CYREN: variants seen among roughly 807,000 people sequenced by gnomAD.
CYREN encodes the protein cell cycle regulator of NHEJ.
In CYREN, 7 loss-of-function variants were observed where a neutral mutation model predicts 9.7. The observed-to-expected ratio is 0.72, with a 90% CI of 0.41 to 1.36. The LOEUF (loss-of-function observed/expected upper bound fraction) is 1.36. Among genes scored for constraint, CYREN ranks in the 40% most tolerant of loss-of-function variants. The pLI is 0.01. For synonymous variants in CYREN, 76 were observed against 77.9 expected (o/e 0.98, Z 0.13); for missense variants, 215 against 198.1 (o/e 1.09, Z -0.51).
intron 2 of CYREN, among the ~76,000 whole-genome samples, chr7:135,105,631 T>C (rs561593043): frequency 3.3e-5 from 5 of 152,386 alleles, no homozygotes; most frequent in African/African-American, 1.2e-4. Flanking sequence ...TTGGTTACTA[T>C]AGCCCTATAA....
intron 3 of CYREN, chr7:135,167,097 A>G: frequency 2.0e-6 from 2 of 985,360 alleles, no homozygotes; most frequent in Non-Finnish European, 2.4e-6. Flanking sequence ...GAGAGAAGCA[A>G]GCAAAGGCAT....
intron 2 of CYREN, among the ~76,000 whole-genome samples, chr7:135,143,059 A>G (rs1484907655): frequency 1.3e-5 from 2 of 152,182 alleles, no homozygotes; most frequent in African/African-American, 4.8e-5. Flanking sequence ...TTTAAGACTT[A>G]CTATAGACTG....
At chr7:135,127,299 A>G (rs1828016454) in intron 2 of CYREN, among the ~76,000 whole-genome samples, 2 of 151,614 alleles carry the variant, frequency 1.3e-5, no homozygotes, top group Admixed American at 6.6e-5. Flanking sequence ...GCTCACGCCT[A>G]TAATCCCAGC....
Position 135,167,735 on chromosome 7 carries a change from A to C in CYREN, c.210T>G (p.Ile70Met). The change falls in exon 3 of 4, where the codon ATT becomes ATG. Residue 70 changes from isoleucine to methionine, a missense_variant. Ile to Met is a conservative substitution (Grantham distance 10). Coordinates refer to ENST00000393114, the MANE Select transcript of CYREN (RefSeq NM_024033.4). ...TAAGAGGCTTGTCTGACTTTACCTC[A>C]ATCAGGATTCCCAGAGCAACATCAA... is the stretch of plus-strand genomic sequence containing the variant. The part of the protein sequence containing the change: ...EIVDVALGIL[I>M]ESRKQEKACE... 1 of 1,614,112 alleles carries C rather than the reference A, an allele frequency of 6.2e-7. No homozygotes were observed. The highest frequency in any genetic ancestry group is 8.5e-7 in the Non-Finnish European group (1 of 1,180,000).
chr7:135,112,181 C>T (rs1006339160), intron 2 of CYREN, among the ~76,000 whole-genome samples: 2 of 152,170 alleles, frequency 1.3e-5, no homozygotes, highest in Non-Finnish European at 2.9e-5. Context: ...CCTCATTTTG[C>T]CTCCCTTGAA....
At chr7:135,128,484 C>T (rs1435469247) in intron 2 of CYREN, 1 of 753,180 alleles carries the variant, frequency 1.3e-6, no homozygotes, top group Non-Finnish European at 2.5e-6. Context: ...AATTGCTGGC[C>T]CCAGTGAGTA....
intron 2 of CYREN, chr7:135,135,458 G>T (rs1829305229): frequency 2.5e-6 from 1 of 393,650 alleles, no homozygotes; most frequent in South Asian, 1.2e-4. Flanking sequence ...GAAATCCAGA[G>T]AAAATATGGA....
chr7:135,171,953 C>T (rs1486037104), upstream of CYREN, among the ~76,000 whole-genome samples: 1 of 152,262 alleles, frequency 6.6e-6, no homozygotes, highest in Non-Finnish European at 1.5e-5. Context: ...CACTTGAAGT[C>T]CAGACATCTG....
chr7:135,115,994 A>G (rs1455243951), intron 2 of CYREN: 2 of 156,760 alleles, frequency 1.3e-5, no homozygotes, highest in African/African-American at 4.8e-5. Context: ...CTGAGATGAA[A>G]GCAGAAAGAG....
At chr7:135,156,135 T>G (rs1829787073) in intron 2 of CYREN, among the ~76,000 whole-genome samples, 1 of 152,174 alleles carries the variant, frequency 6.6e-6, no homozygotes, top group Non-Finnish European at 1.5e-5. Context: ...AGATTTGGGA[T>G]TTCCTTTATA....
At chr7:135,131,450 A>G (rs1321976110) in intron 2 of CYREN, among the ~76,000 whole-genome samples, 1 of 117,530 alleles carries the variant, frequency 8.5e-6, no homozygotes, top group Non-Finnish European at 1.9e-5. Context: ...AAATAAAGGA[A>G]ACAAAAATTA....
chr7:135,101,094 C>A, intron 2 of CYREN: 1 of 443,110 alleles, frequency 2.3e-6, no homozygotes, highest in Non-Finnish European at 4.5e-6. Flanking sequence ...CAAAGTATGA[C>A]TCAGAGTCAT....
chr7:135,164,389 A>G (rs1258206330), downstream of CYREN: 1 of 1,526,294 alleles, frequency 6.6e-7, no homozygotes, highest in Non-Finnish European at 9.0e-7. Flanking sequence ...CAAGGGAGAG[A>G]TGGACTGACT....
chr7:135,125,180 A>G (rs1010002325), intron 2 of CYREN, among the ~76,000 whole-genome samples: 1 of 152,170 alleles, frequency 6.6e-6, no homozygotes, highest in African/African-American at 2.4e-5. Flanking sequence ...AGAGAGAAAA[A>G]TCAAATAGAC....
intron 2 of CYREN, chr7:135,135,685 CATT>C (rs1240970802): frequency 6.5e-6 from 1 of 154,574 alleles, no homozygotes; most frequent in Non-Finnish European, 1.4e-5. Context: ...TCTGTTATAT[CATT>C]AGTGTGCTAG....
intron 2 of CYREN, among the ~76,000 whole-genome samples, chr7:135,123,424 G>C (rs1035101801): frequency 1.3e-5 from 2 of 152,150 alleles, no homozygotes; most frequent in Non-Finnish European, 1.5e-5. Flanking sequence ...ATTGATCAGA[G>C]TACCTGAGGG....
Position 135,133,929 on chromosome 7 carries a change from T to C in CYREN, n.356+34820A>G, listed in dbSNP as rs185241508. Among the ~76,000 whole-genome samples, 69 of 151,952 alleles carry C rather than the reference T, an allele frequency of 4.5e-4. 1 individual carries two copies. The East Asian group carries it at 8.1e-3, about 18-fold the overall frequency. ...CTGCTGATGCACAAAACAACATAGATGAATCTCCAGACAATTACTCTGAGA... is the reference window on the plus strand; with the variant it reads ...CTGCTGATGCACAAAACAACATAGACGAATCTCCAGACAATTACTCTGAGA... On this transcript the variant is annotated intron_variant and non_coding_transcript_variant, in intron 2 of 2. Transcript: ENST00000459937.
chr7:135,129,228 G>A (rs1377292068), intron 2 of CYREN: 8 of 1,463,526 alleles, frequency 5.5e-6, no homozygotes, highest in Non-Finnish European at 7.7e-6. Context: ...TGTGATGCAG[G>A]AGCCTGGCTA....
chr7:135,159,766 A>G (rs1562925020), intron 2 of CYREN, among the ~76,000 whole-genome samples: 3 of 152,250 alleles, frequency 2.0e-5, no homozygotes, highest in Admixed American at 6.5e-5. Context: ...GCACTTCACA[A>G]AAGAAGAAAT....
Sources: gnomAD v4.1 joint callset for allele counts (sites outside exome capture counted in the v4.1 genomes callset) on GRCh38, gnomAD v4.1.1 for gene constraint, MANE v1.5 for transcripts, NCBI Gene and HGNC (gene_info 2026-07-23, HGNC 2026-07-21) for gene names.